Variants in ZBTB34 observed in about 807,000 individuals in gnomAD.
ZBTB34 encodes the protein zinc finger and BTB domain-containing protein 34.
In ZBTB34, 1 loss-of-function variant was observed where a neutral mutation model predicts 33.4. The observed-to-expected ratio is 0.03, with a 90% CI of 0.01 to 0.14. The LOEUF is 0.14. ZBTB34 is among the 10% of genes least tolerant of loss of function. ZBTB34 has a pLI of 1.00. For missense variants in ZBTB34, 406 were observed against 657.2 expected (o/e 0.62, Z 4.18); for synonymous variants, 283 against 253.5 (o/e 1.12, Z -1.11).
chr9:126,863,511 G>A (rs1429838075), intron 1 of ZBTB34, among the ~76,000 whole-genome samples: 2 of 151,998 alleles, frequency 1.3e-5, no homozygotes, highest in Non-Finnish European at 2.9e-5. Context: ...TTTTATTCCC[G>A]TTAATGTTCA....
At chr9:126,861,496 C>T (rs924661959) in intron 1 of ZBTB34, among the ~76,000 whole-genome samples, 3 of 152,196 alleles carry the variant, frequency 2.0e-5, no homozygotes, top group Non-Finnish European at 4.4e-5. Flanking sequence ...TCTCTAAGAA[C>T]CCTTCTGGCT....
At chr9:126,870,135 TAA>T (rs2033259157) in intron 1 of ZBTB34, among the ~76,000 whole-genome samples, 2 of 152,188 alleles carry the variant, frequency 1.3e-5, no homozygotes, top group Admixed American at 6.5e-5. Flanking sequence ...TCTCCTGAAT[TAA>T]AGAGTTCTGG....
chr9:126,872,252 A>C (rs1037958877), intron 1 of ZBTB34, among the ~76,000 whole-genome samples: 31 of 152,282 alleles, frequency 2.0e-4, no homozygotes, highest in East Asian at 1.2e-3. Flanking sequence ...CGCCCGGCCT[A>C]CAAAAAACTT....
At chr9:126,865,163 G>T (rs2033184253) in intron 1 of ZBTB34, among the ~76,000 whole-genome samples, 1 of 152,222 alleles carries the variant, frequency 6.6e-6, no homozygotes, top group Non-Finnish European at 1.5e-5. Flanking sequence ...GGTTAGGTTG[G>T]AATAAGCCAC....
exon 2 of ZBTB34, chr9:126,882,444 A>G (rs1331304331): frequency 6.0e-6 from 1 of 167,120 alleles, no homozygotes; most frequent in Non-Finnish European, 1.5e-5. Context: ...TTTTATTAGT[A>G]CTTTCGGAAA....
In ZBTB34 at chr9:126,880,462, G is replaced by C. The variant is rs199667737; in HGVS notation, c.1063G>C (p.Gly355Arg). The change falls in exon 2 of 2, where the codon GGG becomes CGG. Residue 355 changes from glycine to arginine, a missense_variant. This residue lies in a region of ZBTB34 where 123 missense variants were observed against 140.4 expected (regional missense o/e 0.88). Transcript: ENST00000319119. The surrounding 1 kb of genome is among the most constrained non-coding windows in gnomAD (Gnocchi z 6.7). ...CAGTGAAGCCATGATGAACAACCCC[G>C]GGTATGAGAGCAGTCCCCGGGAGAG... The C allele has an allele frequency of 8.7e-6, 14 of 1,613,708 alleles. No individual in the cohort carries two copies. The Admixed American group carries it at 2.2e-4, about 25-fold the overall frequency.
At chr9:126,863,744 G>C in intron 1 of ZBTB34, 1 of 984,918 alleles carries the variant, frequency 1.0e-6, no homozygotes. Flanking sequence ...GTCATAAGAG[G>C]CAGGACTTAA....
chr9:126,867,640 T>C (rs749361019), intron 1 of ZBTB34, among the ~76,000 whole-genome samples: 2 of 152,036 alleles, frequency 1.3e-5, no homozygotes, highest in Non-Finnish European at 2.9e-5. Context: ...TTTTTTGTCA[T>C]GTACTTTTAC....
Position 126,880,156 on chromosome 9 carries a change from A to G in ZBTB34, c.757A>G (p.Ser253Gly), listed in dbSNP as rs1287665576. The G allele has an allele frequency of 1.2e-6, 2 of 1,613,822 alleles. No individual in the cohort carries two copies. Among genetic ancestry groups the G allele is most frequent in the Admixed American group, 3.3e-5 (2 of 60,020 alleles). The change falls in exon 2 of 2, where the codon AGC (serine) becomes GGC (glycine). Residue 253 changes from serine to glycine, a missense_variant. Transcript: ENST00000319119. The surrounding 1 kb of genome is among the most constrained non-coding windows in gnomAD (Gnocchi z 6.7). Reference sequence around the variant, plus strand: ...GTCCGACCGGCCCAGCTGTTCCGACAGCTCCTCCCTGGGTGACGATGGGTA... The same window carrying G: ...GTCCGACCGGCCCAGCTGTTCCGACGGCTCCTCCCTGGGTGACGATGGGTA...
In ZBTB34 at chr9:126,880,906, C is replaced by G; in HGVS notation, c.1507C>G (p.Pro503Ala). The stretch of plus-strand genomic sequence containing the variant: ...GGAAATTCACACAGTGTCTGATGCT[C>G]CCGATTAAGATGGTAAAGAAGTGCA... The change falls in exon 2 of 2, where the codon CCC (proline) becomes GCC (alanine). Residue 503 changes from proline to alanine, a missense_variant. By Grantham distance (27) the Pro-to-Ala change is conservative. Transcript: ENST00000319119. The surrounding 1 kb of genome is among the most constrained non-coding windows in gnomAD (Gnocchi z 6.7). The G allele has an allele frequency of 6.2e-7, 1 of 1,607,950 alleles. No homozygotes were observed. The highest frequency in any genetic ancestry group is 8.5e-7 in the Non-Finnish European group (1 of 1,176,634).
chr9:126,863,637 G>A (rs1244122796), intron 1 of ZBTB34: 6 of 952,596 alleles, frequency 6.3e-6, no homozygotes, highest in Non-Finnish European at 7.5e-6. Flanking sequence ...TCAACTGAAC[G>A]CAGTTAAATT....
At position 126,880,524 on chromosome 9, in the gene ZBTB34, G is replaced by A. The variant is rs774912494; in HGVS notation, c.1125G>A (p.Arg375=). 5.6e-5 allele frequency: 91 copies of A among 1,613,764 alleles called. No individual in the cohort carries two copies. The highest frequency in any genetic ancestry group is 6.9e-5 in the Non-Finnish European group (81 of 1,179,904). The stretch of plus-strand genomic sequence containing the variant: ...GGCATTGGTACCCGTACAATGAGAG[G>A]TTGATCTGTATTTACTGTGGAAAGT... The change falls in exon 2 of 2, where the codon AGG becomes AGA. Residue 375 remains arginine, a synonymous_variant. Transcript: ENST00000319119. This position sits in a 1 kb window ranked among gnomAD's most constrained non-coding sequence, Gnocchi z 6.7.
chr9:126,870,371 T>C (rs1268639536), intron 1 of ZBTB34, among the ~76,000 whole-genome samples: 1 of 152,242 alleles, frequency 6.6e-6, no homozygotes, highest in African/African-American at 2.4e-5. Context: ...GTTTTCTGTA[T>C]GTAAGAGATT....
intron 1 of ZBTB34, among the ~76,000 whole-genome samples, chr9:126,878,206 T>G (rs2033387464): frequency 6.7e-6 from 1 of 150,018 alleles, no homozygotes; most frequent in Admixed American, 6.6e-5. Context: ...GTGGTGACTC[T>G]TGCCTGTAAT....
chr9:126,868,263 T>C (rs2033234372), intron 1 of ZBTB34, among the ~76,000 whole-genome samples: 1 of 152,196 alleles, frequency 6.6e-6, no homozygotes, highest in African/African-American at 2.4e-5. Context: ...GTAGCTTTTT[T>C]GAGTGGGATC....
At position 126,880,978 on chromosome 9, in the gene ZBTB34, T is replaced by G. The variant is rs2033432344; in HGVS notation, c.*64T>G. The G allele has an allele frequency of 1.3e-6, 2 of 1,492,280 alleles. No individual in the cohort carries two copies. Among genetic ancestry groups the G allele is most frequent in the Admixed American group, 2.4e-5 (1 of 42,196 alleles). The allele number at this position is 1,492,280 out of a possible 1,614,324, so 92.4% of individuals were successfully genotyped here. A position where few individuals can be genotyped will look rare whatever the true frequency, so the allele number is the denominator to read the frequency against. Reference sequence around the variant, plus strand: ...AATGCATATTTGTGATTTGCTTTGTTGTAATCTTTGGTTTTCCCAACCATC... The same window carrying G: ...AATGCATATTTGTGATTTGCTTTGTGGTAATCTTTGGTTTTCCCAACCATC... On this transcript the variant is annotated 3_prime_UTR_variant, in exon 2 of 2. Coordinates refer to ENST00000319119, the Ensembl canonical transcript of ZBTB34. The surrounding 1 kb of genome is among the most constrained non-coding windows in gnomAD (Gnocchi z 6.7).
In ZBTB34 at chr9:126,879,542, G is replaced by C. The variant is rs763340387; in HGVS notation, c.143G>C (p.Arg48Pro). 1 of 1,613,762 alleles carries C rather than the reference G, an allele frequency of 6.2e-7. No homozygotes were observed. Among genetic ancestry groups the C allele is most frequent in the African/African-American group, 1.3e-5 (1 of 74,904 alleles). The change falls in exon 2 of 2, where the codon CGA (arginine) becomes CCA (proline). Residue 48 changes from arginine to proline, a missense_variant. Physicochemically the swap from Arg to Pro is moderately radical, Grantham distance 103 (BLOSUM62 -2). Around this residue, in one of 6 missense-constraint regions of ZBTB34, gnomAD observed 50 missense variants for 157.9 expected, o/e 0.32. Transcript: ENST00000319119. This position sits in a 1 kb window ranked among gnomAD's most constrained non-coding sequence, Gnocchi z 6.4. Reference sequence around the variant, plus strand: ...GTACACATTCAGGGTCAGCCATTCCGAGCCCACAAAGCAGTCCTTGCTGCC... The same window carrying C: ...GTACACATTCAGGGTCAGCCATTCCCAGCCCACAAAGCAGTCCTTGCTGCC...
At chr9:126,875,921 A>C (rs1333088961) in intron 1 of ZBTB34, among the ~76,000 whole-genome samples, 1 of 151,968 alleles carries the variant, frequency 6.6e-6, no homozygotes, top group Non-Finnish European at 1.5e-5. Flanking sequence ...GGGAACACTC[A>C]TTCTTGGGAA....
intron 1 of ZBTB34, among the ~76,000 whole-genome samples, chr9:126,863,949 C>A (rs779645462): frequency 3.2e-4 from 48 of 152,150 alleles, no homozygotes; most frequent in Non-Finnish European, 6.0e-4. Context: ...GGACATTTTG[C>A]AAAGAAATGA....
Sources: allele counts gnomAD v4.1 joint callset (sites outside exome capture counted in the v4.1 genomes callset), GRCh38; gene constraint gnomAD v4.1.1; regional missense constraint gnomAD v4.1.1; non-coding constraint Gnocchi (gnomAD v3.1); transcripts MANE v1.5; gene names NCBI Gene and HGNC (gene_info 2026-07-23, HGNC 2026-07-21).